SLC35F3: variants seen among roughly 807,000 people sequenced by gnomAD.
SLC35F3 encodes the protein putative thiamine transporter SLC35F3.
A neutral mutation model predicts 49.9 loss-of-function variants in SLC35F3; 25 were observed. The observed-to-expected ratio is 0.50, with a 90% CI of 0.37 to 0.70. SLC35F3 has a LOEUF of 0.70. Among genes scored for constraint, SLC35F3 ranks in the 30% least tolerant of loss-of-function variants. The pLI, the probability that SLC35F3 is intolerant of heterozygous loss-of-function variation, is 0.00. For missense variants in SLC35F3, 525 were observed against 639.8 expected, an observed-to-expected ratio of 0.82 and a Z score of 1.94; for synonymous variants, 275 against 265.4, an observed-to-expected ratio of 1.04 and a Z score of -0.35.
intron 3 of SLC35F3, among the ~76,000 whole-genome samples, chr1:234,281,890 C>T (rs1449253019): frequency 6.6e-6 from 1 of 152,172 alleles, no homozygotes; most frequent in East Asian, 1.9e-4. Context: ...CTCATCTGTT[C>T]TTCATCATGT....
At chr1:234,284,198 C>A (rs1211814308) in intron 3 of SLC35F3, among the ~76,000 whole-genome samples, 3 of 152,144 alleles carry the variant, frequency 2.0e-5, no homozygotes, top group African/African-American at 7.2e-5. Flanking sequence ...AGCTACGGTG[C>A]CTGTCCAGAT....
At chr1:234,004,681 A>G (rs979665232) in intron 2 of SLC35F3, among the ~76,000 whole-genome samples, 1 of 152,170 alleles carries the variant, frequency 6.6e-6, no homozygotes, top group African/African-American at 2.4e-5. Context: ...TCATAAAGGC[A>G]AACTGCTTTT....
At chr1:234,038,955 A>C (rs549673803) in intron 2 of SLC35F3, among the ~76,000 whole-genome samples, 1 of 152,354 alleles carries the variant, frequency 6.6e-6, no homozygotes, top group South Asian at 2.1e-4. Flanking sequence ...AAGATTAAAG[A>C]AGGAGCAAGC....
In SLC35F3 at chr1:233,910,251, G is replaced by T. The variant is rs150137208; in HGVS notation, c.283+4493G>T. 4.2e-3 allele frequency among the ~76,000 whole-genome samples: 640 copies of T among 152,294 alleles called. 7 individuals are homozygous for T. Among genetic ancestry groups the T allele is most frequent in the Non-Finnish European group, 6.5e-3 (442 of 68,028 alleles). On this transcript the variant is annotated intron_variant, in intron 2 of 7. Transcript: ENST00000366618. ...TCTGGGATGGACACCAATTAGGGAG[G>T]AGATGGCTAGAGAAGGGATGAGGAG...
chr1:234,165,813 C>T (rs572722349), intron 2 of SLC35F3, among the ~76,000 whole-genome samples: 4 of 152,218 alleles, frequency 2.6e-5, no homozygotes, highest in African/African-American at 7.2e-5. Flanking sequence ...TCACCCAAGT[C>T]GTGTACATTG....
At chr1:234,236,925 T>TTATATTTATATATATATA (rs1667480735) in intron 3 of SLC35F3, among the ~76,000 whole-genome samples, 1 of 96,294 alleles carries the variant, frequency 1.0e-5, no homozygotes, top group Non-Finnish European at 2.0e-5. Context: ...AAAAAAAAAA[T>TTATATTTATATATATATA]TATATATATA....
intron 3 of SLC35F3, among the ~76,000 whole-genome samples, chr1:234,303,209 A>C (rs1572143172): frequency 6.6e-6 from 1 of 151,944 alleles, no homozygotes; most frequent in East Asian, 1.9e-4. Context: ...TTTGTGAAAA[A>C]CCTGTCATTT....
At chr1:233,926,151 C>A (rs1022111021) in intron 2 of SLC35F3, among the ~76,000 whole-genome samples, 8 of 152,096 alleles carry the variant, frequency 5.3e-5, no homozygotes, top group Non-Finnish European at 1.2e-4. Context: ...GTGGCATTCT[C>A]TGTATTTCCT....
chr1:234,058,879 A>G (rs571809274), intron 2 of SLC35F3, among the ~76,000 whole-genome samples: 11 of 151,808 alleles, frequency 7.2e-5, no homozygotes, highest in South Asian at 4.2e-4. Context: ...TAAATGGCCT[A>G]TTTCTCTTGA....
At chr1:234,162,389 A>G (rs1394222672) in intron 2 of SLC35F3, among the ~76,000 whole-genome samples, 3 of 131,706 alleles carry the variant, frequency 2.3e-5, no homozygotes, top group African/African-American at 1.0e-4. Context: ...TGCAAAAAAA[A>G]AAAAAAAAAA....
chr1:234,061,803 C>T (rs1446001672), intron 2 of SLC35F3, among the ~76,000 whole-genome samples: 1 of 152,188 alleles, frequency 6.6e-6, no homozygotes, highest in Non-Finnish European at 1.5e-5. Flanking sequence ...TTACGTTTGG[C>T]TTTTTAAAAA....
At chr1:234,003,583 A>G (rs1219166421) in intron 2 of SLC35F3, among the ~76,000 whole-genome samples, 2 of 152,176 alleles carry the variant, frequency 1.3e-5, no homozygotes, top group East Asian at 3.8e-4. Context: ...ACAAGCTTAC[A>G]GGAGGGACAG....
chr1:233,969,202 G>A (rs1558192718), intron 2 of SLC35F3, among the ~76,000 whole-genome samples: 1 of 152,136 alleles, frequency 6.6e-6, no homozygotes, highest in African/African-American at 2.4e-5. Context: ...CCTCCATGCC[G>A]ATTTTGATCT....
intron 2 of SLC35F3, among the ~76,000 whole-genome samples, chr1:234,016,645 G>A (rs1663806342): frequency 6.6e-6 from 1 of 152,216 alleles, no homozygotes; most frequent in Admixed American, 6.5e-5. Context: ...GTTGTGAGGA[G>A]AGGAGCACAT....
chr1:234,128,036 G>T (rs1459378816), intron 2 of SLC35F3, among the ~76,000 whole-genome samples: 1 of 152,184 alleles, frequency 6.6e-6, no homozygotes, highest in East Asian at 1.9e-4. Flanking sequence ...ACTCAGAGGG[G>T]CAAGATGATT....
At chr1:234,280,883 TACTC>T (rs1159266892) in intron 3 of SLC35F3, among the ~76,000 whole-genome samples, 1 of 152,172 alleles carries the variant, frequency 6.6e-6, no homozygotes, top group Non-Finnish European at 1.5e-5. Flanking sequence ...CTACCTGGCT[TACTC>T]ACTACTCTGC....
intron 2 of SLC35F3, among the ~76,000 whole-genome samples, chr1:234,175,000 C>T (rs766053469): frequency 5.3e-5 from 8 of 152,236 alleles, no homozygotes; most frequent in Non-Finnish European, 1.0e-4. Flanking sequence ...ATCTGAGATA[C>T]TAGCAGACTC....
At chr1:234,105,685 A>C (rs1035092241) in intron 2 of SLC35F3, among the ~76,000 whole-genome samples, 13 of 152,186 alleles carry the variant, frequency 8.5e-5, no homozygotes, top group African/African-American at 3.1e-4. Flanking sequence ...AAGGAAATGA[A>C]AGTACTCTGT....
At chr1:234,205,415 C>T (rs775889347) in intron 2 of SLC35F3, among the ~76,000 whole-genome samples, 4 of 152,168 alleles carry the variant, frequency 2.6e-5, no homozygotes, top group Non-Finnish European at 4.4e-5. Context: ...GAGCTGAGAT[C>T]GCGCCAGTGC....
Sources: allele counts gnomAD v4.1 joint callset (sites outside exome capture counted in the v4.1 genomes callset), GRCh38; gene constraint gnomAD v4.1.1; transcripts MANE v1.5; gene names NCBI Gene and HGNC (gene_info 2026-07-23, HGNC 2026-07-21).